MAEA: variants seen among roughly 807,000 people sequenced by gnomAD.
MAEA encodes the protein E3 ubiquitin-protein transferase MAEA.
A neutral mutation model predicts 46.2 loss-of-function variants in MAEA; 22 were observed. The observed-to-expected ratio is 0.48, with a 90% CI of 0.34 to 0.68. The LOEUF is 0.68. Among genes scored for constraint, MAEA ranks in the 30% least tolerant of loss-of-function variants. MAEA has a pLI of 0.01. For synonymous variants in MAEA, 246 were observed against 222.6 expected (o/e 1.11, Z -0.94); for missense variants, 393 against 558.1 (o/e 0.70, Z 2.98).
At chr4:1,309,833 G>A (rs1331922744) in intron 1 of MAEA, 1 of 1,359,522 alleles carries the variant, frequency 7.4e-7, no homozygotes, top group East Asian at 2.7e-5. Context: ...CCAGCTGCCC[G>A]GAGCTCTGCC....
At chr4:1,323,880 G>T (rs1480763722) in intron 4 of MAEA, among the ~76,000 whole-genome samples, 8 of 152,256 alleles carry the variant, frequency 5.3e-5, no homozygotes, top group Non-Finnish European at 1.2e-4. Context: ...CTGAATGCAT[G>T]CCTGGGGGAC....
intron 1 of MAEA, among the ~76,000 whole-genome samples, chr4:1,291,602 A>G (rs1018894507): frequency 6.6e-6 from 1 of 152,186 alleles, no homozygotes; most frequent in South Asian, 2.1e-4. Flanking sequence ...CAGCTAACAC[A>G]CAAGAAGGTT....
chr4:1,309,550 T>C, intron 1 of MAEA: 1 of 1,431,536 alleles, frequency 7.0e-7, no homozygotes. Context: ...TGAACTCAGA[T>C]TGGATAGCCC....
intron 6 of MAEA, chr4:1,335,244 T>A (rs985111908): frequency 1.0e-6 from 1 of 985,374 alleles, no homozygotes; most frequent in African/African-American, 1.7e-5. Context: ...AAGTAAGAGT[T>A]TTTACACCTA....
chr4:1,297,658 T>A (rs1004071475), intron 1 of MAEA, among the ~76,000 whole-genome samples: 3 of 152,198 alleles, frequency 2.0e-5, no homozygotes, highest in African/African-American at 7.2e-5. Flanking sequence ...CTTTAGAGCG[T>A]CTGCTCTGCG....
chr4:1,328,851 A>C, intron 5 of MAEA: 1 of 1,044,712 alleles, frequency 9.6e-7, no homozygotes, highest in Non-Finnish European at 1.2e-6. Flanking sequence ...CGAGGGAGCC[A>C]GGCCTGCAAC....
intron 6 of MAEA, chr4:1,334,756 C>A: frequency 4.2e-6 from 2 of 476,876 alleles, no homozygotes; most frequent in Non-Finnish European, 5.5e-6. Flanking sequence ...CAGAAGGAAG[C>A]ATTTTGTTCA....
At chr4:1,291,415 C>G (rs1262121551) in intron 1 of MAEA, among the ~76,000 whole-genome samples, 2 of 152,164 alleles carry the variant, frequency 1.3e-5, no homozygotes, top group Non-Finnish European at 2.9e-5. Context: ...CTAGATCCCT[C>G]CAAGATGTAG....
Position 1,336,914 on chromosome 4 carries a change from C to T in MAEA, c.819C>T (p.Asp273=). The T allele has an allele frequency of 6.2e-7, 1 of 1,614,048 alleles. No homozygotes were observed. The highest frequency in any genetic ancestry group is 8.5e-7 in the Non-Finnish European group (1 of 1,180,008). The stretch of plus-strand genomic sequence containing the variant: ...TGCTGATCCAGCAGTTCCGGTACGA[C>T]AACTACCGACTACACCAGCTGGGAA... The part of the protein sequence containing the change: ...WRMLIQQFRY[D]NYRLHQLGNN... Residue 273 remains aspartate, a synonymous_variant, in exon 7 of 9, where the codon GAC becomes GAT. Transcript: ENST00000303400.
chr4:1,322,429 TC>T lies in MAEA; in HGVS notation c.508del (p.Leu170TrpfsTer23). 6.2e-7 allele frequency: 1 copy of T among 1,613,718 alleles called. No individual in the cohort carries two copies. The highest frequency in any genetic ancestry group is 8.5e-7 in the Non-Finnish European group (1 of 1,179,956). ...CCTGACGGCCAAAGAGGTGGAGGAG[TC>T]CCTGGAGAGGCGTGAGACGGCCACC... Reference protein sequence around the residue: ...MFLTAKEVEESLERRETATCL... With the variant: ...MFLTAKEVEEXLERRETATCL... On this transcript the variant is annotated frameshift_variant, in exon 4 of 9. Transcript: ENST00000303400. LOFTEE classifies it high-confidence loss of function.
intron 3 of MAEA, among the ~76,000 whole-genome samples, chr4:1,317,766 A>G (rs1404786046): frequency 2.6e-5 from 4 of 152,198 alleles, no homozygotes; most frequent in Non-Finnish European, 4.4e-5. Context: ...GCCAGATGGC[A>G]AAGTGCACTG....
At chr4:1,290,754 T>C (rs1017712511) in intron 1 of MAEA, among the ~76,000 whole-genome samples, 3 of 152,192 alleles carry the variant, frequency 2.0e-5, no homozygotes, top group African/African-American at 7.2e-5. Flanking sequence ...AGCGCCCTGG[T>C]GTTCACGTCC....
chr4:1,311,321 C>T lies in MAEA; in HGVS notation c.70-658C>T, dbSNP rs1198238464. 2.6e-5 allele frequency among the ~76,000 whole-genome samples: 4 copies of T among 152,242 alleles called. No individual in the cohort carries two copies. Among genetic ancestry groups the T allele is most frequent in the Non-Finnish European group, 4.4e-5 (3 of 68,044 alleles). On this transcript the variant is annotated intron_variant, in intron 1 of 8. Coordinates refer to ENST00000303400, the MANE Select transcript of MAEA (RefSeq NM_001017405.3). This position sits in a 1 kb window ranked among gnomAD's most constrained non-coding sequence, Gnocchi z 4.4. ...CTTTCAAACCGTAGAGCACAGGAAA[C>T]GGGCGGAGAAGAACTCAGCAGCGCT...
At chr4:1,329,456 G>A in intron 5 of MAEA, 5 of 985,436 alleles carry the variant, frequency 5.1e-6, no homozygotes, top group Non-Finnish European at 6.0e-6. Flanking sequence ...GGAGCAGGCA[G>A]GTCCCAGGAA....
In MAEA at chr4:1,329,337, G is replaced by A. The variant is rs2108988078; in HGVS notation, c.656+1634G>A. ...GCTCCGTGTAGGGTCTCTTTGCCTTGTTCCCCCTGCTCTGGGTAGAATCTG... is the reference window on the plus strand; with the variant it reads ...GCTCCGTGTAGGGTCTCTTTGCCTTATTCCCCCTGCTCTGGGTAGAATCTG... On this transcript the variant is annotated intron_variant, in intron 5 of 8. Coordinates refer to ENST00000303400, the MANE Select transcript of MAEA (RefSeq NM_001017405.3). The A allele has an allele frequency of 8.1e-6, 8 of 985,586 alleles. No individual in the cohort carries two copies. The South Asian group carries it at 3.8e-4, about 46-fold the overall frequency. The allele number at this position is 985,586 out of a possible 1,614,324, so 61.1% of individuals were successfully genotyped here.
rs1048678486 is a variant in MAEA, at chr4:1,326,727, G to A, written c.580-900G>A. ...GAAGCGCCCTCCCTTCACGCGAGCC[G>A]CCCCTTGGCCTCACAGCCACCTAGG... On this transcript the variant is annotated intron_variant, in intron 4 of 8. Transcript: ENST00000303400. Among the ~76,000 whole-genome samples the A allele has an allele frequency of 6.0e-5, 9 of 150,992 alleles. No individual in the cohort carries two copies. The East Asian group carries it at 1.4e-3, about 23-fold the overall frequency.
rs574674711 is a variant in MAEA, at chr4:1,308,987, C to T, written c.70-2992C>T. 5.9e-5 allele frequency among the ~76,000 whole-genome samples: 9 copies of T among 152,142 alleles called. No homozygotes were observed. The South Asian group carries it at 6.2e-4, about 10-fold the overall frequency. On this transcript the variant is annotated intron_variant, in intron 1 of 8. Transcript: ENST00000303400. ...CCTTTTCACTGTTCTTCCTATGATA[C>T]GGTCTGTGAGGTTGCCTGTCCTCAT...
At chr4:1,338,245 G>A (rs1456053668) in intron 7 of MAEA, 177 bp from the exon 8 acceptor site, 1 of 548,978 alleles carries the variant, frequency 1.8e-6, no homozygotes, top group African/African-American at 1.9e-5. Context: ...GGCCTCAGTG[G>A]GGCTGTTTAG....
At chr4:1,316,937 G>GC (rs1737267943) in intron 3 of MAEA, among the ~76,000 whole-genome samples, 60 of 110,004 alleles carry the variant, frequency 5.5e-4, no homozygotes, top group South Asian at 2.7e-3. Context: ...GGCCCACCCG[G>GC]CCCCACACTC....
Sources: gnomAD v4.1 joint callset for allele counts (sites outside exome capture counted in the v4.1 genomes callset) on GRCh38, gnomAD v4.1.1 for gene constraint, Gnocchi (gnomAD v3.1) non-coding constraint, MANE v1.5 for transcripts, NCBI Gene and HGNC (gene_info 2026-07-23, HGNC 2026-07-21) for gene names.